Variants in HDAC9 observed in about 807,000 individuals in gnomAD.
HDAC9 encodes histone deacetylase 9, also known as MEF-2 interacting transcription repressor (MITR) protein.
In HDAC9, 41 loss-of-function variants were observed where a neutral mutation model predicts 139.4. The ratio of observed to expected loss-of-function variants is 0.29; its 90% CI spans 0.23 to 0.38. HDAC9 has a LOEUF of 0.38. HDAC9 is among the 10% of genes least tolerant of loss of function. HDAC9 has a pLI of 1.00. For synonymous variants in HDAC9, 517 were observed against 476.2 expected, an observed-to-expected ratio of 1.09 and a Z score of -1.12; for missense variants, 1,147 against 1,297.0, an observed-to-expected ratio of 0.88 and a Z score of 1.78.
At chr7:18,536,429 G>T (rs1264369783) in intron 2 of HDAC9, among the ~76,000 whole-genome samples, 1 of 152,142 alleles carries the variant, frequency 6.6e-6, no homozygotes, top group Non-Finnish European at 1.5e-5. Context: ...GAACTATTTA[G>T]ATTTGGAGAA....
At chr7:18,717,091 G>A (rs965661291) in intron 12 of HDAC9, among the ~76,000 whole-genome samples, 5 of 150,612 alleles carry the variant, frequency 3.3e-5, no homozygotes, top group African/African-American at 1.2e-4. Flanking sequence ...GAAGGAGAGA[G>A]TGACCTACCC....
At chr7:18,146,032 C>T (rs1483661128) in intron 1 of HDAC9, among the ~76,000 whole-genome samples, 1 of 152,052 alleles carries the variant, frequency 6.6e-6, no homozygotes, top group Non-Finnish European at 1.5e-5. Context: ...AAAGAGTCTT[C>T]ATGCTGATTG....
At chr7:18,509,478 A>G in intron 2 of HDAC9, 1 of 980,298 alleles carries the variant, frequency 1.0e-6, no homozygotes, top group Non-Finnish European at 1.2e-6. Context: ...CCCCCGAGTG[A>G]TTATCTCATT....
At chr7:18,195,768 A>G (rs995303118) in intron 2 of HDAC9, among the ~76,000 whole-genome samples, 5 of 152,092 alleles carry the variant, frequency 3.3e-5, no homozygotes, top group South Asian at 4.1e-4. Flanking sequence ...TTTTGCAGCC[A>G]TATCGTATAT....
At chr7:18,358,429 T>C (rs537853014) in intron 1 of HDAC9, among the ~76,000 whole-genome samples, 1 of 152,232 alleles carries the variant, frequency 6.6e-6, no homozygotes, top group Non-Finnish European at 1.5e-5. Context: ...TAGTTAATGA[T>C]TAGTGGGATA....
At chr7:18,466,528 A>G (rs1484663589) in intron 1 of HDAC9, among the ~76,000 whole-genome samples, 5 of 152,098 alleles carry the variant, frequency 3.3e-5, no homozygotes, top group Non-Finnish European at 5.9e-5. Flanking sequence ...AAAGCCAGTA[A>G]TATTGGGTAG....
At chr7:18,484,488 A>G (rs1408512418) in intron 1 of HDAC9, among the ~76,000 whole-genome samples, 4 of 152,128 alleles carry the variant, frequency 2.6e-5, no homozygotes, top group East Asian at 1.9e-4. Context: ...AGTGAAGTGC[A>G]TATTTTAAAT....
At chr7:18,234,803 A>G (rs920619414) in intron 2 of HDAC9, among the ~76,000 whole-genome samples, 2 of 152,242 alleles carry the variant, frequency 1.3e-5, no homozygotes, top group African/African-American at 2.4e-5. Context: ...TTTGAAGGCC[A>G]AGGATTCTGT....
chr7:18,103,803 C>A (rs765323917), intron 1 of HDAC9, among the ~76,000 whole-genome samples: 1 of 151,808 alleles, frequency 6.6e-6, no homozygotes, highest in Non-Finnish European at 1.5e-5. Flanking sequence ...ACATAAAGAT[C>A]GAAATATTTC....
At position 18,766,985 on chromosome 7, in the gene HDAC9, T is replaced by A. The variant is rs1789883306; in HGVS notation, c.2165-121T>A. 3 of 471,072 alleles carry A rather than the reference T, an allele frequency of 6.4e-6. No homozygotes were observed. The South Asian group carries it at 1.6e-4, about 26-fold the overall frequency. The allele number at this position is 471,072 out of a possible 1,614,324, so 29.2% of individuals were successfully genotyped here. On this transcript the variant is annotated intron_variant, in intron 15 of 25. Coordinates refer to ENST00000686413, the MANE Select transcript of HDAC9 (RefSeq NM_178425.4). ...ATAATTGGTCTGAAGTTTTATTAAT[T>A]TATTTTTGCATCAAACGATAAATAC...
At chr7:18,759,149 T>G (rs1022711913) in intron 14 of HDAC9, among the ~76,000 whole-genome samples, 1 of 152,132 alleles carries the variant, frequency 6.6e-6, no homozygotes, top group African/African-American at 2.4e-5. Context: ...CCAAATGAGC[T>G]GTCTTTACTG....
chr7:18,787,858 A>G (rs1413135244), intron 16 of HDAC9, among the ~76,000 whole-genome samples: 1 of 152,234 alleles, frequency 6.6e-6, no homozygotes, highest in African/African-American at 2.4e-5. Context: ...TCCATAATTA[A>G]TAATCTATCA....
intron 12 of HDAC9, among the ~76,000 whole-genome samples, chr7:18,673,898 G>A (rs1005330631): frequency 2.0e-5 from 3 of 152,004 alleles, no homozygotes; most frequent in East Asian, 1.9e-4. Flanking sequence ...AAAGACAACC[G>A]AAAGTCTGCC....
At chr7:18,178,727 A>T (rs1238606958) in intron 2 of HDAC9, among the ~76,000 whole-genome samples, 1 of 152,256 alleles carries the variant, frequency 6.6e-6, no homozygotes, top group African/African-American at 2.4e-5. Context: ...AACATTCTTT[A>T]TACTTTTAAA....
rs576278975 is a variant in HDAC9 at position 18,594,300 on chromosome 7, A to C, written c.664+271A>C. Among the ~76,000 whole-genome samples, 106 of 152,262 alleles carry C rather than the reference A, an allele frequency of 7.0e-4. 1 individual carries two copies. The highest frequency in any genetic ancestry group is 1.4e-3 in the Non-Finnish European group (95 of 67,996). ...ATTATTTTCTTACTAGGAATAAATA[A>C]AAATAAAAATTTCGTATCTCGGAAA... is the stretch of plus-strand genomic sequence containing the variant. On this transcript the variant is annotated intron_variant, in intron 6 of 25. Coordinates refer to ENST00000686413, the MANE Select transcript of HDAC9 (RefSeq NM_178425.4).
At chr7:18,526,983 A>G (rs1263735349) in intron 2 of HDAC9, among the ~76,000 whole-genome samples, 1 of 152,174 alleles carries the variant, frequency 6.6e-6, no homozygotes, top group Non-Finnish European at 1.5e-5. Flanking sequence ...GATTATAACA[A>G]TAAAAGTCAG....
At chr7:18,580,858 A>G (rs529994081) in intron 2 of HDAC9, among the ~76,000 whole-genome samples, 2 of 152,272 alleles carry the variant, frequency 1.3e-5, no homozygotes, top group African/African-American at 4.8e-5. Context: ...TGTAAAAGTG[A>G]CCATAACTTG....
At chr7:18,796,420 AG>A (rs1792804015) in intron 17 of HDAC9, among the ~76,000 whole-genome samples, 1 of 152,224 alleles carries the variant, frequency 6.6e-6, no homozygotes, top group African/African-American at 2.4e-5. Flanking sequence ...AACCAGGCAC[AG>A]GGGGTGGGTT....
At chr7:18,937,820 A>G (rs1032129787) in intron 23 of HDAC9, among the ~76,000 whole-genome samples, 13 of 152,202 alleles carry the variant, frequency 8.5e-5, no homozygotes, top group South Asian at 8.3e-4. Flanking sequence ...TTTTCTTCCT[A>G]TGTGGAAGGA....
Sources: gnomAD v4.1 joint callset for allele counts (sites outside exome capture counted in the v4.1 genomes callset) on GRCh38, gnomAD v4.1.1 for gene constraint, MANE v1.5 for transcripts, NCBI Gene and HGNC (gene_info 2026-07-23, HGNC 2026-07-21) for gene names.